Variants in ASTN2 observed in about 807,000 individuals in gnomAD.
The protein encoded by ASTN2 is astrotactin-2.
A neutral mutation model predicts 139.8 loss-of-function variants in ASTN2; 54 were observed. The ratio of observed to expected loss-of-function variants is 0.39; its 90% CI spans 0.31 to 0.48. The LOEUF is 0.48. Ranked by LOEUF, ASTN2 falls within the 20% of genes least tolerant of loss-of-function variation. The probability of loss-of-function intolerance (pLI) is 0.95; values close to 1 mark genes in which losing one functional copy is unlikely to be tolerated. For synonymous variants in ASTN2, 756 were observed against 719.5 expected (o/e 1.05, Z -0.81); for missense variants, 1,565 against 1,725.1 (o/e 0.91, Z 1.64).
rs778428905 is a variant in ASTN2 at position 116,698,665 on chromosome 9, C to T, written c.2806+27106G>A. On this transcript the variant is annotated intron_variant, in intron 16 of 22. Transcript: ENST00000313400. The surrounding 1 kb of genome is among the most constrained non-coding windows in gnomAD (Gnocchi z 4.4). The stretch of plus-strand genomic sequence containing the variant: ...ACAGTTAACGTGGAAGATTCCTGGG[C>T]CATGGAGGCCACAGCGTCTGCTGCC... The T allele has an allele frequency of 2.5e-6, 4 of 1,614,148 alleles. No individual in the cohort carries two copies. Among genetic ancestry groups the T allele is most frequent in the Admixed American group, 1.7e-5 (1 of 60,020 alleles).
At chr9:116,844,514 T>C (rs976641868) in intron 11 of ASTN2, among the ~76,000 whole-genome samples, 12 of 152,042 alleles carry the variant, frequency 7.9e-5, no homozygotes, top group African/African-American at 2.9e-4. Context: ...CATGTAATGT[T>C]AGCCAGTCAC....
At chr9:117,211,944 A>G (rs1391462599) in intron 3 of ASTN2, among the ~76,000 whole-genome samples, 3 of 31,318 alleles carry the variant, frequency 9.6e-5, no homozygotes. Context: ...TGCTCATGCA[A>G]TCTTGAGAAA....
chr9:117,324,420 A>G (rs1300408698), intron 1 of ASTN2, among the ~76,000 whole-genome samples: 1 of 152,178 alleles, frequency 6.6e-6, no homozygotes, highest in Non-Finnish European at 1.5e-5. Flanking sequence ...GCAGAAGGGG[A>G]AGCAGGCACC....
At chr9:116,547,250 T>C (rs10983231) in intron 19 of ASTN2, 2 of 152,324 alleles carry the variant, frequency 1.3e-5, no homozygotes, top group East Asian at 3.9e-4. Flanking sequence ...CTCTTAGATT[T>C]GTATATCCCT....
chr9:117,207,862 C>G (rs140591979), intron 3 of ASTN2, among the ~76,000 whole-genome samples: 1 of 152,170 alleles, frequency 6.6e-6, no homozygotes, highest in Non-Finnish European at 1.5e-5. Context: ...ACTCTCTCAG[C>G]CTAGGTCACT....
intron 10 of ASTN2, among the ~76,000 whole-genome samples, chr9:116,956,035 C>T (rs1835695639): frequency 6.6e-6 from 1 of 152,056 alleles, no homozygotes; most frequent in Admixed American, 6.5e-5. Flanking sequence ...TTAAAAAATG[C>T]CACTGCCTTT....
chr9:116,487,209 G>T (rs185508660), intron 20 of ASTN2, 150 bp downstream of exon 20: 3 of 1,010,890 alleles, frequency 3.0e-6, no homozygotes, highest in Admixed American at 5.3e-5. Flanking sequence ...TTCTCAAATG[G>T]ACACTTCTAA....
At chr9:116,932,616 A>G (rs183168003) in intron 10 of ASTN2, among the ~76,000 whole-genome samples, 1 of 152,202 alleles carries the variant, frequency 6.6e-6, no homozygotes, top group East Asian at 1.9e-4. Context: ...AGAGCTAGAC[A>G]TCAGGGACGC....
At chr9:116,779,374 A>G (rs1830160830) in intron 13 of ASTN2, among the ~76,000 whole-genome samples, 1 of 152,178 alleles carries the variant, frequency 6.6e-6, no homozygotes, top group South Asian at 2.1e-4. Flanking sequence ...ACAAGGCACC[A>G]TCTCAGAAAA....
chr9:117,155,390 C>T (rs1830411108), intron 3 of ASTN2, among the ~76,000 whole-genome samples: 1 of 151,938 alleles, frequency 6.6e-6, no homozygotes, highest in Admixed American at 6.6e-5. Context: ...TCCTAGGGAG[C>T]CATTTGCACA....
At chr9:116,453,593 CAAAAAAA>C (rs386416019) in intron 20 of ASTN2, among the ~76,000 whole-genome samples, 3 of 58,786 alleles carry the variant, frequency 5.1e-5, no homozygotes, top group South Asian at 2.5e-3. Context: ...GACTCCGTCT[CAAAAAAA>C]AAAAAAAAAA....
intron 22 of ASTN2, among the ~76,000 whole-genome samples, chr9:116,430,069 C>G (rs1226709146): frequency 6.6e-6 from 1 of 152,114 alleles, no homozygotes; most frequent in Non-Finnish European, 1.5e-5. Context: ...CTCTTCCAAG[C>G]CATGATGTAG....
chr9:116,435,269 C>A (rs1446527746), intron 22 of ASTN2, among the ~76,000 whole-genome samples: 1 of 152,180 alleles, frequency 6.6e-6, no homozygotes, highest in Non-Finnish European at 1.5e-5. Context: ...AAGGCTAGGA[C>A]AGAAGCCCTG....
At chr9:116,991,282 T>A (rs865991732) in intron 7 of ASTN2, among the ~76,000 whole-genome samples, 1 of 152,146 alleles carries the variant, frequency 6.6e-6, no homozygotes, top group Non-Finnish European at 1.5e-5. Context: ...TGTGCTGCAA[T>A]GGGCAGACTC....
intron 5 of ASTN2, among the ~76,000 whole-genome samples, chr9:117,060,085 C>A (rs911565624): frequency 6.6e-6 from 1 of 151,924 alleles, no homozygotes; most frequent in East Asian, 1.9e-4. Context: ...CCAAGGCGAG[C>A]AGATGGCTTG....
chr9:116,805,473 T>C (rs749786171), intron 13 of ASTN2, among the ~76,000 whole-genome samples, 159 bp downstream of exon 13: 7 of 152,138 alleles, frequency 4.6e-5, no homozygotes, highest in Non-Finnish European at 8.8e-5. Context: ...GGAATAAAGT[T>C]TGATGACTTT....
At chr9:116,905,121 C>T (rs1834119949) in intron 10 of ASTN2, among the ~76,000 whole-genome samples, 1 of 146,908 alleles carries the variant, frequency 6.8e-6, no homozygotes, top group South Asian at 2.4e-4. Flanking sequence ...ACTGAAAAGA[C>T]TGCCCAGGGA....
At chr9:117,363,570 A>C (rs901341366) in intron 1 of ASTN2, among the ~76,000 whole-genome samples, 8 of 152,206 alleles carry the variant, frequency 5.3e-5, no homozygotes, top group African/African-American at 1.9e-4. Context: ...ATGAAATGCC[A>C]GCAGAACATG....
intron 6 of ASTN2, among the ~76,000 whole-genome samples, chr9:117,011,272 A>G (rs142854691): frequency 0.01 from 1,593 of 152,252 alleles, 38 homozygotes; most frequent in Admixed American, 0.052. Context: ...CCTATGTTGA[A>G]ACCTAATCCC....
Sources: allele counts gnomAD v4.1 joint callset (sites outside exome capture counted in the v4.1 genomes callset), GRCh38; gene constraint gnomAD v4.1.1; non-coding constraint Gnocchi (gnomAD v3.1); transcripts MANE v1.5; gene names NCBI Gene and HGNC (gene_info 2026-07-23, HGNC 2026-07-21).